KDM4C: variants seen among roughly 807,000 people sequenced by gnomAD.
KDM4C encodes lysine-specific demethylase 4C.
KDM4C carries 81 observed loss-of-function variants against 129.3 expected under a neutral mutation model. The ratio of observed to expected loss-of-function variants is 0.63; its 90% CI spans 0.52 to 0.75. The LOEUF is 0.75. Among genes scored for constraint, KDM4C ranks in the 30% least tolerant of loss-of-function variants. KDM4C has a pLI of 0.00. For synonymous variants in KDM4C, 573 were observed against 456.1 expected (o/e 1.26, Z -3.26); for missense variants, 1,457 against 1,304.0 (o/e 1.12, Z -1.81).
At chr9:6,992,323 G>A (rs1298017001) in intron 12 of KDM4C, among the ~76,000 whole-genome samples, 3 of 152,318 alleles carry the variant, frequency 2.0e-5, no homozygotes, top group Admixed American at 2.0e-4. Context: ...TCTGATTTCA[G>A]TTTGTATAGC....
chr9:6,885,320 C>G (rs1434901572), intron 6 of KDM4C, among the ~76,000 whole-genome samples: 1 of 152,210 alleles, frequency 6.6e-6, no homozygotes, highest in Non-Finnish European at 1.5e-5. Flanking sequence ...GCTTTTCACA[C>G]ATGCTCACTT....
chr9:6,879,875 C>T, intron 5 of KDM4C, 137 bp from the exon 6 acceptor site: 1 of 447,690 alleles, frequency 2.2e-6, no homozygotes. Context: ...GATTGGCTTT[C>T]TAATCTCTAC....
intron 8 of KDM4C, among the ~76,000 whole-genome samples, chr9:6,904,377 A>C (rs572757599): frequency 6.6e-6 from 1 of 152,126 alleles, no homozygotes; most frequent in East Asian, 1.9e-4. Context: ...AGCGTATCCC[A>C]AAAGAATGTG....
At chr9:7,036,640 A>T (rs565167270) in intron 15 of KDM4C, among the ~76,000 whole-genome samples, 1 of 152,240 alleles carries the variant, frequency 6.6e-6, no homozygotes, top group African/African-American at 2.4e-5. Context: ...TGTAAATTAG[A>T]TGAAGAAAAA....
upstream of KDM4C, among the ~76,000 whole-genome samples, chr9:6,754,543 T>G (rs922044091): frequency 6.6e-6 from 1 of 152,168 alleles, no homozygotes; most frequent in South Asian, 2.1e-4. Flanking sequence ...AAGTGTAGTG[T>G]ACTTCAACAG....
At chr9:6,848,225 A>C (rs961106480) in intron 4 of KDM4C, among the ~76,000 whole-genome samples, 12 of 152,190 alleles carry the variant, frequency 7.9e-5, no homozygotes, top group Non-Finnish European at 7.3e-5. Flanking sequence ...ATTAGCACGA[A>C]AAGGTTGGAA....
rs1554767255 is a variant in KDM4C at position 7,163,049 on chromosome 9, G to GTGA, written c.2782-2187_2782-2186insATG. 3.9e-5 allele frequency among the ~76,000 whole-genome samples: 6 copies of GTGA among 152,166 alleles called. No homozygotes were observed. The East Asian group carries it at 1.2e-3, about 30-fold the overall frequency. Reference sequence around the variant, plus strand: ...AGACAGGCTTACCTAGTGATGGGCCGTGCAGGAAAGTGCAGGCTCCTCTCC... The same window carrying GTGA: ...AGACAGGCTTACCTAGTGATGGGCCGTGATGCAGGAAAGTGCAGGCTCCTCTCC... On this transcript the variant is annotated intron_variant, in intron 19 of 21. Coordinates refer to ENST00000381309, the MANE Select transcript of KDM4C (RefSeq NM_015061.6).
At position 6,986,546 on chromosome 9, in the gene KDM4C, G is replaced by C; in HGVS notation, c.1557G>C (p.Glu519Asp). The change falls in exon 11 of 22, where the codon GAG becomes GAC. Residue 519 changes from glutamate (E) to aspartate (D), a missense_variant. Physicochemically the swap from Glu to Asp is conservative, Grantham distance 45. Transcript: ENST00000381309. Reference sequence around the variant, plus strand: ...CTGAGTCATGCTCATCAGTGGCAGAGAGTAATGGTGTGTTAACAGAGGGAG... The same window carrying C: ...CTGAGTCATGCTCATCAGTGGCAGACAGTAATGGTGTGTTAACAGAGGGAG... ...KSPESCSSVA[E>D]SNGVLTEGEE... The C allele has an allele frequency of 1.2e-6, 2 of 1,614,162 alleles. No individual in the cohort carries two copies. Among genetic ancestry groups the C allele is most frequent in the Non-Finnish European group, 1.7e-6 (2 of 1,180,028 alleles).
At chr9:6,971,846 T>C (rs1832037788) in intron 8 of KDM4C, among the ~76,000 whole-genome samples, 1 of 152,200 alleles carries the variant, frequency 6.6e-6, no homozygotes. Flanking sequence ...AATTCAAATA[T>C]GGTGAGTCAA....
chr9:7,113,797 T>A (rs1838600892), intron 18 of KDM4C, among the ~76,000 whole-genome samples: 1 of 152,234 alleles, frequency 6.6e-6, no homozygotes. Context: ...TTCAGAGGAC[T>A]GGTACTTCTC....
At chr9:6,807,397 G>A (rs1830205231) in intron 3 of KDM4C, among the ~76,000 whole-genome samples, 1 of 145,532 alleles carries the variant, frequency 6.9e-6, no homozygotes, top group Admixed American at 6.7e-5. Flanking sequence ...GGAAAGTGAG[G>A]AGCGTCTCCG....
At chr9:7,123,638 G>A (rs866222306) in intron 18 of KDM4C, among the ~76,000 whole-genome samples, 5 of 152,202 alleles carry the variant, frequency 3.3e-5, no homozygotes, top group South Asian at 4.1e-4. Context: ...GCACTGATTC[G>A]TAGAGTTTAC....
chr9:7,123,594 G>A (rs940156200), intron 18 of KDM4C, among the ~76,000 whole-genome samples: 3 of 152,144 alleles, frequency 2.0e-5, no homozygotes, highest in African/African-American at 7.2e-5. Flanking sequence ...TACAGACACC[G>A]TGCTGGGTTC....
chr9:6,854,120 A>G (rs1223092787), intron 5 of KDM4C, among the ~76,000 whole-genome samples: 1 of 152,198 alleles, frequency 6.6e-6, no homozygotes, highest in Non-Finnish European at 1.5e-5. Flanking sequence ...GTGATTAAAA[A>G]AAAATGTGAT....
At chr9:7,156,075 G>T (rs1843138665) in intron 19 of KDM4C, among the ~76,000 whole-genome samples, 1 of 152,006 alleles carries the variant, frequency 6.6e-6, no homozygotes, top group Non-Finnish European at 1.5e-5. Flanking sequence ...ATGGTATCTT[G>T]TGGTTTTGAT....
chr9:6,728,022 A>T (rs1012796955), intron 1 of KDM4C, among the ~76,000 whole-genome samples: 1 of 150,524 alleles, frequency 6.6e-6, no homozygotes, highest in Non-Finnish European at 1.5e-5. Flanking sequence ...AAACCACTAC[A>T]GAATACTAAA....
At chr9:6,959,648 A>G (rs1437078793) in intron 8 of KDM4C, among the ~76,000 whole-genome samples, 4 of 152,226 alleles carry the variant, frequency 2.6e-5, no homozygotes, top group Non-Finnish European at 5.9e-5. Context: ...TATAGTTAAT[A>G]AGACAACTTC....
chr9:6,963,858 C>G (rs1388679599), intron 8 of KDM4C, among the ~76,000 whole-genome samples: 1 of 152,182 alleles, frequency 6.6e-6, no homozygotes, highest in Non-Finnish European at 1.5e-5. Flanking sequence ...TCTCACATTT[C>G]ATTTTTAATC....
intron 8 of KDM4C, among the ~76,000 whole-genome samples, chr9:6,928,870 G>A (rs891558900): frequency 1.2e-4 from 19 of 152,136 alleles, no homozygotes; most frequent in African/African-American, 4.3e-4. Context: ...GTGTGAGCAG[G>A]GAATCCCAGC....
Sources: allele counts gnomAD v4.1 joint callset (sites outside exome capture counted in the v4.1 genomes callset), GRCh38; gene constraint gnomAD v4.1.1; transcripts MANE v1.5; gene names NCBI Gene and HGNC (gene_info 2026-07-23, HGNC 2026-07-21).